Variants in LHFPL6 observed in about 807,000 individuals in gnomAD.
The protein encoded by LHFPL6 is LHFPL tetraspan subfamily member 6 protein.
Under a neutral mutation model 20.6 loss-of-function variants are expected in LHFPL6, and 9 were observed. That is an observed-to-expected ratio of 0.44 (90% CI 0.26 to 0.76). The LOEUF (loss-of-function observed/expected upper bound fraction) is 0.76. LHFPL6 is among the 30% of genes least tolerant of loss of function. The pLI is 0.20. For synonymous variants in LHFPL6, 105 were observed against 98.7 expected, an observed-to-expected ratio of 1.06 and a Z score of -0.38; for missense variants, 218 against 253.5, an observed-to-expected ratio of 0.86 and a Z score of 0.95.
intron 3 of LHFPL6, among the ~76,000 whole-genome samples, chr13:39,355,811 G>A (rs1443622337): frequency 6.6e-6 from 1 of 152,162 alleles, no homozygotes; most frequent in East Asian, 1.9e-4. Flanking sequence ...TAACGATAAA[G>A]GGTTCAATTC....
chr13:39,348,911 T>G (rs1233210575), intron 3 of LHFPL6, among the ~76,000 whole-genome samples: 7 of 152,184 alleles, frequency 4.6e-5, no homozygotes, highest in African/African-American at 1.7e-4. Context: ...ATAAAACAGG[T>G]AGTTAACGTA....
chr13:39,422,654 T>C (rs991385637), intron 2 of LHFPL6, among the ~76,000 whole-genome samples: 8 of 151,662 alleles, frequency 5.3e-5, no homozygotes, highest in Non-Finnish European at 1.2e-4. Flanking sequence ...AAATTCCTTA[T>C]AAAAATACAC....
intron 2 of LHFPL6, among the ~76,000 whole-genome samples, chr13:39,581,337 CAG>C (rs1872275283): frequency 6.6e-6 from 1 of 152,064 alleles, no homozygotes. Context: ...AGGTGCCACA[CAG>C]GGAAGAAGAG....
chr13:39,574,279 A>T (rs914172996), intron 2 of LHFPL6, among the ~76,000 whole-genome samples: 1 of 151,982 alleles, frequency 6.6e-6, no homozygotes, highest in African/African-American at 2.4e-5. Context: ...TCAGGAGAAC[A>T]AGATCATCCT....
chr13:39,447,188 A>G (rs985166060), intron 2 of LHFPL6, among the ~76,000 whole-genome samples: 1 of 152,210 alleles, frequency 6.6e-6, no homozygotes, highest in African/African-American at 2.4e-5. Flanking sequence ...GTGAAACCCA[A>G]TCATCACGCT....
chr13:39,567,564 TTCCTCTTCCTATTTCTCTCCCTTCCTC>T (rs1184482684), intron 2 of LHFPL6, among the ~76,000 whole-genome samples: 3 of 152,022 alleles, frequency 2.0e-5, no homozygotes, highest in African/African-American at 7.3e-5. Flanking sequence ...CTTCCTCTTC[TTCCTCTTCCTATTTCTCTCCCTTCCTC>T]TCCTCTTCTA....
At chr13:39,591,126 A>G (rs924521049) in intron 2 of LHFPL6, among the ~76,000 whole-genome samples, 1 of 152,254 alleles carries the variant, frequency 6.6e-6, no homozygotes, top group African/African-American at 2.4e-5. Context: ...TACTATGATT[A>G]TTATTTTTAC....
At chr13:39,506,288 A>C (rs1869480697) in intron 2 of LHFPL6, among the ~76,000 whole-genome samples, 1 of 152,226 alleles carries the variant, frequency 6.6e-6, no homozygotes, top group South Asian at 2.1e-4. Context: ...TATGTGAAAG[A>C]GCACCTGAGG....
chr13:39,500,295 C>G (rs1869249153), intron 2 of LHFPL6, among the ~76,000 whole-genome samples: 1 of 152,134 alleles, frequency 6.6e-6, no homozygotes, highest in Non-Finnish European at 1.5e-5. Flanking sequence ...GCCTCGACCT[C>G]CTGGGCTCAA....
At chr13:39,587,837 G>T (rs1049302950) in intron 2 of LHFPL6, among the ~76,000 whole-genome samples, 3 of 152,054 alleles carry the variant, frequency 2.0e-5, no homozygotes, top group African/African-American at 7.2e-5. Context: ...CCTGACTAGG[G>T]TAGGATCATG....
At chr13:39,424,222 A>G (rs996984110) in intron 2 of LHFPL6, among the ~76,000 whole-genome samples, 4 of 152,236 alleles carry the variant, frequency 2.6e-5, no homozygotes, top group Non-Finnish European at 5.9e-5. Flanking sequence ...AGGTTTTAAA[A>G]TAATTTGACC....
chr13:39,384,916 ATGT>A (rs1046091115), intron 2 of LHFPL6, among the ~76,000 whole-genome samples: 9 of 152,224 alleles, frequency 5.9e-5, no homozygotes, highest in African/African-American at 1.9e-4. Context: ...GTGAGGAAAG[ATGT>A]TGTGAAGCAA....
intron 2 of LHFPL6, among the ~76,000 whole-genome samples, chr13:39,527,157 A>C (rs1415788838): frequency 6.6e-6 from 1 of 152,184 alleles, no homozygotes; most frequent in Non-Finnish European, 1.5e-5. Flanking sequence ...TCTAGGTTAA[A>C]GGGCGTTTAT....
At chr13:39,462,534 A>G (rs1220949210) in intron 2 of LHFPL6, among the ~76,000 whole-genome samples, 1 of 152,150 alleles carries the variant, frequency 6.6e-6, no homozygotes, top group Non-Finnish European at 1.5e-5. Context: ...CTATCCCTAT[A>G]AAGTTATATA....
intron 2 of LHFPL6, among the ~76,000 whole-genome samples, chr13:39,434,008 C>T (rs1046294200): frequency 1.3e-5 from 2 of 152,162 alleles, no homozygotes; most frequent in African/African-American, 2.4e-5. Flanking sequence ...ATGACTCTTA[C>T]AGACTCTTGT....
At chr13:39,542,255 G>T (rs1870831334) in intron 2 of LHFPL6, among the ~76,000 whole-genome samples, 1 of 152,042 alleles carries the variant, frequency 6.6e-6, no homozygotes, top group Non-Finnish European at 1.5e-5. Flanking sequence ...ATAGTTATGT[G>T]TGTGTTTGCA....
At chr13:39,452,749 C>T (rs571219310) in intron 2 of LHFPL6, among the ~76,000 whole-genome samples, 8 of 152,154 alleles carry the variant, frequency 5.3e-5, no homozygotes, top group Non-Finnish European at 1.2e-4. Context: ...AGAATAATGG[C>T]CAATGCATAA....
In LHFPL6 at chr13:39,377,941, A is replaced by G. The variant is rs553278158; in HGVS notation, c.484+487T>C. On this transcript the variant is annotated intron_variant, in intron 3 of 3. Transcript: ENST00000379589. Reference sequence around the variant, plus strand: ...CTCACCTGCAAAGTGCTTCCATCTAATCCTGATAATCCATATGTAGCACTT... The same window carrying G: ...CTCACCTGCAAAGTGCTTCCATCTAGTCCTGATAATCCATATGTAGCACTT... Among the ~76,000 whole-genome samples the G allele has an allele frequency of 6.4e-4, 98 of 152,246 alleles. 1 individual carries two copies. In the South Asian group the frequency reaches 0.019, roughly 29 times the overall value.
At chr13:39,478,927 G>C (rs1341775761) in intron 2 of LHFPL6, among the ~76,000 whole-genome samples, 1 of 151,640 alleles carries the variant, frequency 6.6e-6, no homozygotes, top group East Asian at 1.9e-4. Context: ...TCCTTATAAT[G>C]AATCTCTTTA....
Sources: allele counts gnomAD v4.1 joint callset (sites outside exome capture counted in the v4.1 genomes callset), GRCh38; gene constraint gnomAD v4.1.1; transcripts MANE v1.5; gene names NCBI Gene and HGNC (gene_info 2026-07-23, HGNC 2026-07-21).